The following ZSCAN25 variants were observed in gnomAD, a reference collection of about 807,000 sequenced individuals.
The protein encoded by ZSCAN25 is zinc finger and SCAN domain containing 25.
A neutral mutation model predicts 38.7 loss-of-function variants in ZSCAN25; 27 were observed. The observed-to-expected ratio is 0.70, with a 90% CI of 0.51 to 0.96. The LOEUF is 0.96. Among genes scored for constraint, ZSCAN25 ranks in the 40% least tolerant of loss-of-function variants. ZSCAN25 has a pLI of 0.00. For synonymous variants in ZSCAN25, 273 were observed against 277.7 expected (o/e 0.98, Z 0.17); for missense variants, 637 against 705.9 (o/e 0.90, Z 1.11).
chr7:99,724,435 T>C, the ZSCAN25 span, among the ~76,000 whole-genome samples: 1 of 152,182 alleles, frequency 6.6e-6, no homozygotes, highest in Non-Finnish European at 1.5e-5. Context: ...CTCCCTAGTC[T>C]CTGCTCCCAG....
chr7:99,647,199 C>A, the ZSCAN25 span, among the ~76,000 whole-genome samples: 1 of 152,226 alleles, frequency 6.6e-6, no homozygotes, highest in Admixed American at 6.5e-5. Context: ...GGCCACACCT[C>A]TGTGTGGACC....
the ZSCAN25 span, among the ~76,000 whole-genome samples, chr7:99,714,332 C>T: frequency 6.6e-6 from 1 of 152,040 alleles, no homozygotes; most frequent in Non-Finnish European, 1.5e-5. Flanking sequence ...ATTCTTGTGC[C>T]TGATATCAAA....
chr7:99,664,604 G>A, the ZSCAN25 span, among the ~76,000 whole-genome samples: 2 of 152,118 alleles, frequency 1.3e-5, no homozygotes, highest in Non-Finnish European at 2.9e-5. Context: ...GAAATCAAAA[G>A]GGCAACAAGA....
At chr7:99,680,086 C>A in the ZSCAN25 span, 3 of 589,132 alleles carry the variant, frequency 5.1e-6, no homozygotes, top group Non-Finnish European at 9.1e-6. Flanking sequence ...GCACACACCC[C>A]TTTGCTGACC....
the ZSCAN25 span, chr7:99,679,731 A>G: frequency 8.4e-7 from 1 of 1,190,692 alleles, no homozygotes; most frequent in East Asian, 2.3e-5. Context: ...CTCCTTGAAC[A>G]TCTCTTTTGA....
At chr7:99,699,084 A>C in the ZSCAN25 span, among the ~76,000 whole-genome samples, 9 of 152,194 alleles carry the variant, frequency 5.9e-5, no homozygotes, top group Non-Finnish European at 8.8e-5. Context: ...GAGAGGGTTC[A>C]TCCTCCTTTA....
At chr7:99,705,465 T>G in the ZSCAN25 span, 1 of 1,609,380 alleles carries the variant, frequency 6.2e-7, no homozygotes, top group Non-Finnish European at 8.5e-7. Context: ...GGGGCACAGC[T>G]TTCTTAAAGA....
At chr7:99,656,013 T>A in the ZSCAN25 span, among the ~76,000 whole-genome samples, 58 of 152,232 alleles carry the variant, frequency 3.8e-4, no homozygotes. Context: ...TATACAATCA[T>A]GTCATCTGCA....
chr7:99,720,542 G>A, the ZSCAN25 span: 1 of 1,018,706 alleles, frequency 9.8e-7, no homozygotes, highest in Non-Finnish European at 1.5e-6. Flanking sequence ...GTAATCTTAA[G>A]TTCTAGTTCA....
At chr7:99,693,447 G>T in the ZSCAN25 span, among the ~76,000 whole-genome samples, 1 of 152,340 alleles carries the variant, frequency 6.6e-6, no homozygotes, top group Admixed American at 6.5e-5. Flanking sequence ...AGACAGGGAC[G>T]TTTAAGTCTG....
rs373938589 is a variant in ZSCAN25, at chr7:99,621,519, C to T, written c.534C>T (p.Thr178=). 3.5e-5 allele frequency: 55 copies of T among 1,559,028 alleles called. No individual in the cohort carries two copies. Among genetic ancestry groups the T allele is most frequent in the Middle Eastern group, 3.5e-4 (2 of 5,706 alleles). The change falls in exon 5 of 8, where the codon ACC becomes ACT. Residue 178 remains threonine (T), a synonymous_variant. Transcript: ENST00000394152. ...GAGTTCAAGGTCCAGACCCAGGTAC[C>T]GAGGAGCAGCTCAGTCAGGACCCTG... ...GEGVQGPDPG[T]EEQLSQDPGD...
chr7:99,632,062 C>T lies in ZSCAN25; in HGVS notation c.*2042C>T, dbSNP rs1808043461. On this transcript the variant is annotated 3_prime_UTR_variant, in exon 8 of 8. Coordinates refer to ENST00000394152, the MANE Select transcript of ZSCAN25 (RefSeq NM_145115.3). ...CTTGTCATTACCTGAATCACAGATGCTCTTTTGTCATACACAGCCAGCATT... is the reference window on the plus strand; with the variant it reads ...CTTGTCATTACCTGAATCACAGATGTTCTTTTGTCATACACAGCCAGCATT... The T allele has an allele frequency of 1.0e-6, 1 of 985,420 alleles. No individual in the cohort carries two copies. Among genetic ancestry groups the T allele is most frequent in the Non-Finnish European group, 1.2e-6 (1 of 829,976 alleles). 61.0% of individuals were successfully genotyped at this position (985,420 alleles called of 1,614,324 possible). A position where few individuals can be genotyped will look rare whatever the true frequency, so the allele number is the denominator to read the frequency against.
the ZSCAN25 span, chr7:99,647,379 A>C: frequency 6.8e-6 from 4 of 584,860 alleles, no homozygotes; most frequent in Non-Finnish European, 8.6e-6. Context: ...TATTCAGAAA[A>C]GGAGGGAAAA....
the ZSCAN25 span, among the ~76,000 whole-genome samples, chr7:99,678,678 A>C: frequency 1.3e-5 from 2 of 152,262 alleles, no homozygotes; most frequent in African/African-American, 4.8e-5. Flanking sequence ...ATTCTGGTTT[A>C]AAAATGAATG....
At chr7:99,707,561 C>T in the ZSCAN25 span, among the ~76,000 whole-genome samples, 1 of 152,164 alleles carries the variant, frequency 6.6e-6, no homozygotes, top group Non-Finnish European at 1.5e-5. Context: ...TAATTTTGCT[C>T]AAGTTCAAGG....
At chr7:99,646,372 G>C in the ZSCAN25 span, among the ~76,000 whole-genome samples, 1 of 151,808 alleles carries the variant, frequency 6.6e-6, no homozygotes, top group Non-Finnish European at 1.5e-5. Flanking sequence ...TTTATTTGTG[G>C]CTATTGATTT....
the ZSCAN25 span, chr7:99,734,993 CAG>C: frequency 3.1e-6 from 5 of 1,613,760 alleles, no homozygotes; most frequent in African/African-American, 4.0e-5. Flanking sequence ...TCCAAGGAAA[CAG>C]AGAAGAGGAG....
downstream of ZSCAN25, among the ~76,000 whole-genome samples, chr7:99,635,512 G>A (rs906918306): frequency 3.3e-5 from 5 of 152,002 alleles, no homozygotes; most frequent in Non-Finnish European, 5.9e-5. Context: ...AAAATTTTAA[G>A]TGAAAATTAC....
the ZSCAN25 span, chr7:99,647,381 G>C: frequency 1.7e-6 from 1 of 596,024 alleles, no homozygotes; most frequent in African/African-American, 2.0e-5. Flanking sequence ...TTCAGAAAAG[G>C]AGGGAAAATG....
Sources: allele counts gnomAD v4.1 joint callset (sites outside exome capture counted in the v4.1 genomes callset), GRCh38; gene constraint gnomAD v4.1.1; transcripts MANE v1.5; gene names NCBI Gene and HGNC (gene_info 2026-07-23, HGNC 2026-07-21).